EPHA6: variants seen among roughly 807,000 people sequenced by gnomAD.
EPHA6 encodes EPH receptor A6.
A neutral mutation model predicts 112.0 loss-of-function variants in EPHA6; 50 were observed. The observed-to-expected ratio is 0.45, with a 90% CI of 0.36 to 0.56. The LOEUF (loss-of-function observed/expected upper bound fraction) is 0.56. EPHA6 is among the 20% of genes least tolerant of loss of function. EPHA6 has a pLI of 0.00. For synonymous variants in EPHA6, 529 were observed against 490.7 expected, an observed-to-expected ratio of 1.08 and a Z score of -1.03; for missense variants, 1,280 against 1,417.4, an observed-to-expected ratio of 0.90 and a Z score of 1.56.
intron 3 of EPHA6, among the ~76,000 whole-genome samples, chr3:97,001,851 G>A (rs573822175): frequency 6.6e-6 from 1 of 151,890 alleles, no homozygotes; most frequent in African/African-American, 2.4e-5. Context: ...CTGCAGCAAT[G>A]GACAGAAAAA....
At chr3:97,553,261 C>G (rs537109707) in intron 11 of EPHA6, among the ~76,000 whole-genome samples, 1 of 152,132 alleles carries the variant, frequency 6.6e-6, no homozygotes, top group South Asian at 2.1e-4. Flanking sequence ...GTGCCTTCTA[C>G]AAGCCAATCT....
At chr3:97,037,181 A>C (rs776581508) in intron 3 of EPHA6, among the ~76,000 whole-genome samples, 10 of 152,110 alleles carry the variant, frequency 6.6e-5, no homozygotes, top group Non-Finnish European at 1.5e-4. Context: ...GAAAATGATA[A>C]TACAAACATG....
intron 3 of EPHA6, among the ~76,000 whole-genome samples, chr3:96,991,227 A>G (rs558379692): frequency 8.5e-5 from 13 of 152,340 alleles, no homozygotes; most frequent in Middle Eastern, 3.4e-3. Context: ...AAACATAAAT[A>G]AGGCATATGT....
intron 13 of EPHA6, among the ~76,000 whole-genome samples, chr3:97,619,819 A>C (rs2107497927): frequency 6.6e-6 from 1 of 152,278 alleles, no homozygotes; most frequent in South Asian, 2.1e-4. Context: ...AAGAATCAAT[A>C]TTGTTAAAGT....
At chr3:97,398,158 G>C (rs2086794773) in intron 5 of EPHA6, among the ~76,000 whole-genome samples, 1 of 151,336 alleles carries the variant, frequency 6.6e-6, no homozygotes, top group African/African-American at 2.4e-5. Flanking sequence ...GTTTTGCAAG[G>C]ATTATAATGC....
At chr3:96,826,378 G>T (rs1030722200) in intron 1 of EPHA6, among the ~76,000 whole-genome samples, 1 of 151,938 alleles carries the variant, frequency 6.6e-6, no homozygotes, top group African/African-American at 2.4e-5. Flanking sequence ...CTCTAGCTTG[G>T]GTGGAAATTC....
chr3:97,747,026 T>C (rs2035743779), intron 16 of EPHA6, among the ~76,000 whole-genome samples: 1 of 151,924 alleles, frequency 6.6e-6, no homozygotes, highest in Non-Finnish European at 1.5e-5. Context: ...ATCCTGTGGC[T>C]ACTCTCCTTG....
intron 2 of EPHA6, among the ~76,000 whole-genome samples, chr3:96,937,984 A>C (rs1317957725): frequency 6.6e-6 from 1 of 152,210 alleles, no homozygotes; most frequent in Admixed American, 6.5e-5. Flanking sequence ...TTTTAGTAGC[A>C]GTACCATGCT....
intron 12 of EPHA6, among the ~76,000 whole-genome samples, chr3:97,593,918 T>C (rs79821280): frequency 1.3e-5 from 2 of 152,336 alleles, no homozygotes; most frequent in Non-Finnish European, 2.9e-5. Context: ...TTGGGTGTTA[T>C]ATAGCCCTTT....
intron 11 of EPHA6, among the ~76,000 whole-genome samples, chr3:97,556,411 G>A (rs2093110284): frequency 6.6e-6 from 1 of 152,028 alleles, no homozygotes; most frequent in Non-Finnish European, 1.5e-5. Context: ...CATGGCTGGG[G>A]GGTCCTCAGG....
At chr3:97,050,284 G>C (rs1387058633) in intron 3 of EPHA6, among the ~76,000 whole-genome samples, 1 of 152,142 alleles carries the variant, frequency 6.6e-6, no homozygotes, top group Admixed American at 6.6e-5. Context: ...TTGTGCCCAA[G>C]AAGCCTTGAC....
At chr3:97,463,575 TC>T (rs1046301619) in intron 7 of EPHA6, among the ~76,000 whole-genome samples, 24 of 152,274 alleles carry the variant, frequency 1.6e-4, no homozygotes, top group African/African-American at 5.8e-4. Context: ...GCACAAATGT[TC>T]TAAGAAAGAT....
rs147854045 is a variant in EPHA6, at chr3:97,142,433, C to G, written c.1115-83831C>G. 4.3e-3 allele frequency among the ~76,000 whole-genome samples: 652 copies of G among 151,846 alleles called. 2 individuals are homozygous for G. The highest frequency in any genetic ancestry group is 0.015 in the African/African-American group (614 of 41,488). On this transcript the variant is annotated intron_variant, in intron 3 of 17. Transcript: ENST00000389672. The stretch of plus-strand genomic sequence containing the variant: ...AAGCAAAATTGATAGACTGCTAGCT[C>G]AATTAACCAAGAAAATAAGAGAGAT...
intron 14 of EPHA6, among the ~76,000 whole-genome samples, chr3:97,711,118 C>T (rs910804297): frequency 4.6e-5 from 7 of 152,080 alleles, no homozygotes; most frequent in South Asian, 2.1e-4. Context: ...AAGTCTTTCC[C>T]GTGCTGTTCT....
chr3:96,855,770 T>C (rs2035659975), intron 1 of EPHA6, among the ~76,000 whole-genome samples: 1 of 151,602 alleles, frequency 6.6e-6, no homozygotes, highest in Non-Finnish European at 1.5e-5. Flanking sequence ...TTATGGAATA[T>C]GAAATATGAG....
chr3:97,544,317 G>T (rs995368015), intron 11 of EPHA6, among the ~76,000 whole-genome samples: 1 of 151,952 alleles, frequency 6.6e-6, no homozygotes, highest in Non-Finnish European at 1.5e-5. Context: ...GTTGAATTTT[G>T]TCAAAGGCCT....
At chr3:97,637,820 C>T (rs796888697) in intron 13 of EPHA6, 53 bp from the exon 14 acceptor site, 190 of 1,324,838 alleles carry the variant, frequency 1.4e-4, no homozygotes, top group Non-Finnish European at 1.8e-4. Context: ...AATACACACA[C>T]GCACACACTG....
intron 5 of EPHA6, among the ~76,000 whole-genome samples, chr3:97,403,837 CT>C (rs1390355133): frequency 6.6e-6 from 1 of 152,164 alleles, no homozygotes; most frequent in Non-Finnish European, 1.5e-5. Flanking sequence ...AGTTTCTAAC[CT>C]TGTAGTGTTT....
At chr3:97,379,751 CAAAAAAAAA>C (rs71623570) in intron 5 of EPHA6, among the ~76,000 whole-genome samples, 1 of 30,540 alleles carries the variant, frequency 3.3e-5, no homozygotes, top group East Asian at 1.4e-3. Flanking sequence ...TCTGTCTCCC[CAAAAAAAAA>C]AAAAAAAAAA....
Sources: gnomAD v4.1 joint callset for allele counts (sites outside exome capture counted in the v4.1 genomes callset) on GRCh38, gnomAD v4.1.1 for gene constraint, MANE v1.5 for transcripts, NCBI Gene and HGNC (gene_info 2026-07-23, HGNC 2026-07-21) for gene names.